The following ADK variants were observed in gnomAD, a reference collection of about 807,000 sequenced individuals.
The protein encoded by ADK is adenosine kinase.
In ADK, 24 loss-of-function variants were observed where a neutral mutation model predicts 44.7. The ratio of observed to expected loss-of-function variants is 0.54; its 90% CI spans 0.39 to 0.76. The LOEUF is 0.76. Among genes scored for constraint, ADK ranks in the 30% least tolerant of loss-of-function variants. The probability of loss-of-function intolerance (pLI) is 0.00; values close to 1 mark genes in which losing one functional copy is unlikely to be tolerated. For missense variants in ADK, 321 were observed against 425.1 expected, an observed-to-expected ratio of 0.76 and a Z score of 2.15; for synonymous variants, 128 against 142.6, an observed-to-expected ratio of 0.90 and a Z score of 0.73.
intron 10 of ADK, among the ~76,000 whole-genome samples, chr10:74,670,556 A>G (rs910087258): frequency 2.6e-5 from 4 of 152,222 alleles, no homozygotes; most frequent in African/African-American, 9.6e-5. Flanking sequence ...CATCAAGTAC[A>G]GTATATAGTA....
intron 10 of ADK, among the ~76,000 whole-genome samples, chr10:74,690,642 TAATGTCTATCTCTGCAA>T (rs1855960566): frequency 6.6e-6 from 1 of 152,232 alleles, no homozygotes; most frequent in African/African-American, 2.4e-5. Flanking sequence ...TTCCTGCTTA[TAATGTCTATCTCTGCAA>T]AATGTTATTC....
intron 7 of ADK, among the ~76,000 whole-genome samples, chr10:74,550,864 T>C (rs1850010306): frequency 6.6e-6 from 1 of 152,352 alleles, no homozygotes; most frequent in Non-Finnish European, 1.5e-5. Context: ...ATTGAGTTAC[T>C]TTTTAGAGAC....
At position 74,151,341 on chromosome 10, in the gene ADK, G is replaced by A; in HGVS notation, c.63G>A (p.Leu21=). The part of the protein sequence containing the change: ...KKLKVEAPQA[L]RENILFGMGN... The stretch of plus-strand genomic sequence containing the variant: ...TGAAGGTGGAGGCGCCGCAAGCGCT[G>A]AGGTGAGCGCTGCCGGACTTGGGGA... Residue 21 remains leucine (L), a splice_region_variant and synonymous_variant, in exon 1 of 11, where the codon CTG becomes CTA. Transcript: ENST00000539909. 1 of 1,549,554 alleles carries A rather than the reference G, an allele frequency of 6.5e-7. No homozygotes were observed. The highest frequency in any genetic ancestry group is 8.7e-7 in the Non-Finnish European group (1 of 1,146,782).
intron 2 of ADK, among the ~76,000 whole-genome samples, chr10:74,215,123 A>G (rs1843962662): frequency 6.6e-6 from 1 of 152,084 alleles, no homozygotes; most frequent in South Asian, 2.1e-4. Context: ...ATTTTTCTCC[A>G]GTAATTTAGG....
rs35091445 is a variant in ADK at position 74,299,332 on chromosome 10, TA to T, written c.195-15318del. Among the ~76,000 whole-genome samples the T allele has an allele frequency of 5.0e-3, 668 of 134,236 alleles. 3 individuals carry two copies. The highest frequency in any genetic ancestry group is 0.015 in the African/African-American group (551 of 36,062). The allele number at this position is 134,236 out of a possible 152,430, so 88.1% of individuals were successfully genotyped here. ...AACATGGTGAAACCCCATCTCTACT[TA>T]AAAAAAAAAAAAAAAATTAGCAGCG... On this transcript the variant is annotated intron_variant, in intron 3 of 10. Transcript: ENST00000539909.
chr10:74,559,263 A>G (rs1850372660), intron 7 of ADK, among the ~76,000 whole-genome samples: 1 of 152,240 alleles, frequency 6.6e-6, no homozygotes, highest in African/African-American at 2.4e-5. Flanking sequence ...GGTTGTGGGG[A>G]CCAGGCGGAG....
intron 1 of ADK, among the ~76,000 whole-genome samples, chr10:74,156,575 G>T (rs1391045920): frequency 6.6e-6 from 1 of 152,158 alleles, no homozygotes; most frequent in African/African-American, 2.4e-5. Context: ...CTCAAAAAAA[G>T]AAAACAAAAT....
At chr10:74,701,769 A>G (rs573823745) in intron 10 of ADK, among the ~76,000 whole-genome samples, 98 of 152,150 alleles carry the variant, frequency 6.4e-4, no homozygotes, top group Non-Finnish European at 1.3e-3. Context: ...ACATGGTGAA[A>G]CCCTATCTCT....
At chr10:74,647,961 C>T (rs1854113622) in intron 9 of ADK, among the ~76,000 whole-genome samples, 1 of 152,182 alleles carries the variant, frequency 6.6e-6, no homozygotes, top group Non-Finnish European at 1.5e-5. Flanking sequence ...TTCCTATCTT[C>T]AGTTCAACAC....
intron 1 of ADK, among the ~76,000 whole-genome samples, chr10:74,179,182 G>A (rs1017980083): frequency 2.0e-5 from 3 of 152,216 alleles, no homozygotes; most frequent in Admixed American, 1.3e-4. Flanking sequence ...TATGGTGATA[G>A]TTTTGAATGA....
At chr10:74,593,402 C>A (rs76846123) in intron 8 of ADK, among the ~76,000 whole-genome samples, 6,539 of 151,486 alleles carry the variant, frequency 0.043, 431 homozygotes, top group African/African-American at 0.14. Flanking sequence ...CATGAAAGAG[C>A]ATGTGGGAAG....
intron 9 of ADK, among the ~76,000 whole-genome samples, chr10:74,604,783 G>A (rs1852260112): frequency 6.6e-6 from 1 of 152,106 alleles, no homozygotes; most frequent in Non-Finnish European, 1.5e-5. Context: ...CTAATTCTGT[G>A]AAGAAAGTCA....
intron 9 of ADK, chr10:74,655,946 G>C: frequency 1.4e-6 from 1 of 698,552 alleles, no homozygotes; most frequent in Non-Finnish European, 2.7e-6. Flanking sequence ...AGTCCGAAAG[G>C]GTGCAACTCC....
chr10:74,489,095 T>A lies in ADK; in HGVS notation c.556-36161T>A, dbSNP rs1172380449. 2.0e-5 allele frequency among the ~76,000 whole-genome samples: 3 copies of A among 151,984 alleles called. No homozygotes were observed. The East Asian group carries it at 5.8e-4, about 29-fold the overall frequency. ...TATGTGGATCTTTGCTGAGGAAATA[T>A]GAGTAAGCATACAAGACTGGACAGG... On this transcript the variant is annotated intron_variant, in intron 6 of 10. Coordinates refer to ENST00000539909, the MANE Select transcript of ADK (RefSeq NM_006721.4).
At chr10:74,473,985 A>G (rs943386976) in intron 6 of ADK, among the ~76,000 whole-genome samples, 2 of 152,234 alleles carry the variant, frequency 1.3e-5, no homozygotes, top group Admixed American at 6.5e-5. Context: ...TATAGCATTT[A>G]TTAGTGGATA....
At chr10:74,591,691 A>C (rs1469651358) in intron 8 of ADK, among the ~76,000 whole-genome samples, 2 of 152,224 alleles carry the variant, frequency 1.3e-5, no homozygotes, top group Non-Finnish European at 2.9e-5. Context: ...ACTCTTGGCT[A>C]GTGTGACAAA....
chr10:74,648,551 G>A (rs938694167), intron 9 of ADK, among the ~76,000 whole-genome samples: 1 of 151,238 alleles, frequency 6.6e-6, no homozygotes, highest in Non-Finnish European at 1.5e-5. Context: ...GGTGGCACAC[G>A]CCTGTAGTCC....
At chr10:74,622,017 CT>C (rs1191203435) in intron 9 of ADK, among the ~76,000 whole-genome samples, 1 of 152,160 alleles carries the variant, frequency 6.6e-6, no homozygotes, top group East Asian at 1.9e-4. Flanking sequence ...ACCACTCTGC[CT>C]TATGGATGCC....
chr10:74,170,567 G>A (rs1251482681), intron 1 of ADK, among the ~76,000 whole-genome samples: 1 of 152,022 alleles, frequency 6.6e-6, no homozygotes, highest in Non-Finnish European at 1.5e-5. Context: ...GGGAGGCCGA[G>A]GCAGGCGGAT....
Sources: gnomAD v4.1 joint callset for allele counts (sites outside exome capture counted in the v4.1 genomes callset) on GRCh38, gnomAD v4.1.1 for gene constraint, MANE v1.5 for transcripts, NCBI Gene and HGNC (gene_info 2026-07-23, HGNC 2026-07-21) for gene names.